The following CACNA1B variants were observed in gnomAD, a reference collection of about 807,000 sequenced individuals.
CACNA1B encodes calcium voltage-gated channel subunit alpha1 B.
A neutral mutation model predicts 247.2 loss-of-function variants in CACNA1B; 70 were observed. The observed-to-expected ratio is 0.28, with a 90% CI of 0.23 to 0.35. CACNA1B has a LOEUF of 0.35. Ranked by LOEUF, CACNA1B falls within the 10% of genes least tolerant of loss-of-function variation. The pLI is 1.00. For synonymous variants in CACNA1B, 1,231 were observed against 1,294.4 expected, an observed-to-expected ratio of 0.95 and a Z score of 1.05; for missense variants, 2,367 against 3,197.4, an observed-to-expected ratio of 0.74 and a Z score of 6.26.
intron 15 of CACNA1B, among the ~76,000 whole-genome samples, chr9:137,997,812 A>G (rs1013940507): frequency 4.2e-4 from 64 of 152,220 alleles, no homozygotes; most frequent in Admixed American, 3.9e-3. Context: ...TTTTTTGCCC[A>G]AGTGCACAAG....
At chr9:137,921,299 GGTC>G (rs1957474504) in intron 6 of CACNA1B, among the ~76,000 whole-genome samples, 1 of 151,454 alleles carries the variant, frequency 6.6e-6, no homozygotes, top group Admixed American at 6.6e-5. Flanking sequence ...CGGAGAACAT[GGTC>G]AGCACCACGG....
chr9:137,998,332 C>T (rs1958523202), intron 15 of CACNA1B, among the ~76,000 whole-genome samples: 1 of 152,120 alleles, frequency 6.6e-6, no homozygotes, highest in Non-Finnish European at 1.5e-5. Flanking sequence ...CAGTGTAGGC[C>T]GGGCACGGTG....
rs200157606 is a variant in CACNA1B at position 138,120,222 on chromosome 9, C to G, written c.6088C>G (p.Arg2030Gly). ...RSISTLAQRP[R>G]GTHLCSTTPD... ...CATCTCCACGCTGGCCCAGCGGCCC[C>G]GTGGGACTCATCTTTGCAGCACCAC... Residue 2030 changes from arginine to glycine, a missense_variant, in exon 45 of 47, where the codon CGT becomes GGT. This residue lies in a region of CACNA1B where 773 missense variants were observed against 779.4 expected (regional missense o/e 0.99). Transcript: ENST00000371372. 5.0e-5 allele frequency: 80 copies of G among 1,608,412 alleles called. No homozygotes were observed. Among genetic ancestry groups the G allele is most frequent in the Non-Finnish European group, 6.2e-5 (73 of 1,178,206 alleles).
chr9:137,971,542 G>A lies in CACNA1B; in HGVS notation c.1493G>A (p.Cys498Tyr). The A allele has an allele frequency of 6.2e-7, 1 of 1,613,810 alleles. No individual in the cohort carries two copies. Among genetic ancestry groups the A allele is most frequent in the Non-Finnish European group, 8.5e-7 (1 of 1,179,798 alleles). Residue 498 changes from cysteine (C) to tyrosine (Y), a missense_variant, in exon 11 of 47, where the codon TGT (cysteine) becomes TAT (tyrosine). This residue lies in a region of CACNA1B where 219 missense variants were observed against 297.6 expected (regional missense o/e 0.74). Transcript: ENST00000371372. The surrounding 1 kb of genome is among the most constrained non-coding windows in gnomAD (Gnocchi z 4.4). ...TGCGTGGTGGCCCTGAACACACTGT[G>A]TGTGGCCATGGTGCATTACAACCAG... ...VLCVVALNTL[C>Y]VAMVHYNQPR...
intron 34 of CACNA1B, among the ~76,000 whole-genome samples, 159 bp downstream of exon 34, chr9:138,074,225 G>A (rs1055640621): frequency 2.6e-5 from 4 of 151,718 alleles, no homozygotes; most frequent in East Asian, 1.9e-4. Context: ...CTGAACTTAC[G>A]TAATCCTCTT....
chr9:137,973,761 G>C lies in CACNA1B; in HGVS notation c.1544-2146G>C, dbSNP rs1958184461. On this transcript the variant is annotated intron_variant, in intron 11 of 46. Coordinates refer to ENST00000371372, the MANE Select transcript of CACNA1B (RefSeq NM_000718.4). This position sits in a 1 kb window ranked among gnomAD's most constrained non-coding sequence, Gnocchi z 4.1. ...GAGTGTACGAATGAATGCCCTTTCT[G>C]GGCCTCAGAGTGGAGGCTGAGTATG... 6.6e-6 allele frequency among the ~76,000 whole-genome samples: 1 copy of C among 152,196 alleles called. No homozygotes were observed. The highest frequency in any genetic ancestry group is 1.5e-5 in the Non-Finnish European group (1 of 68,042).
At chr9:137,922,166 A>G (rs115497039) in intron 6 of CACNA1B, among the ~76,000 whole-genome samples, 2,128 of 132,224 alleles carry the variant, frequency 0.016, 93 homozygotes, top group African/African-American at 0.059. Context: ...TCAACACCAC[A>G]CCGCACAGCA....
At chr9:137,889,285 C>T (rs1368487096) in intron 3 of CACNA1B, among the ~76,000 whole-genome samples, 1 of 150,228 alleles carries the variant, frequency 6.7e-6, no homozygotes, top group African/African-American at 2.4e-5. Context: ...GCGGGAGGTG[C>T]AGCACCCCGA....
chr9:138,095,991 C>G (rs1398005234), intron 36 of CACNA1B, among the ~76,000 whole-genome samples: 1 of 152,062 alleles, frequency 6.6e-6, no homozygotes, highest in African/African-American at 2.4e-5. Flanking sequence ...ATGAGGTATT[C>G]TTCGGGAACG....
In CACNA1B at chr9:138,057,075, A is replaced by G. The variant is rs1040685169; in HGVS notation, c.3969-657A>G. On this transcript the variant is annotated intron_variant, in intron 26 of 46. Coordinates refer to ENST00000371372, the MANE Select transcript of CACNA1B (RefSeq NM_000718.4). This position sits in a 1 kb window ranked among gnomAD's most constrained non-coding sequence, Gnocchi z 4.0. ...CTCAGCCTCCCGAGTAGCTGGGACT[A>G]TAGGCGCCCGCCACCACGCCCGGCT... Among the ~76,000 whole-genome samples, 1 of 151,298 alleles carries G rather than the reference A, an allele frequency of 6.6e-6. No individual in the cohort carries two copies. The highest frequency in any genetic ancestry group is 1.5e-5 in the Non-Finnish European group (1 of 67,968).
At position 137,971,772 on chromosome 9, in the gene CACNA1B, G is replaced by T. The variant is rs555544471; in HGVS notation, c.1543+180G>T. 1.4e-3 allele frequency among the ~76,000 whole-genome samples: 216 copies of T among 152,216 alleles called. No individual in the cohort carries two copies. Among genetic ancestry groups the T allele is most frequent in the African/African-American group, 5.0e-3 (208 of 41,548 alleles). Reference sequence around the variant, plus strand: ...TCTGTGGGGGCCTGGGGTGTGTCCAGAGCTGGAGGGTGGCCTCTCCAGCCC... The same window carrying T: ...TCTGTGGGGGCCTGGGGTGTGTCCATAGCTGGAGGGTGGCCTCTCCAGCCC... On this transcript the variant is annotated intron_variant, in intron 11 of 46. Coordinates refer to ENST00000371372, the MANE Select transcript of CACNA1B (RefSeq NM_000718.4). This position sits in a 1 kb window ranked among gnomAD's most constrained non-coding sequence, Gnocchi z 4.4.
At chr9:138,039,594 C>G (rs772949333) in intron 20 of CACNA1B, among the ~76,000 whole-genome samples, 25 of 151,868 alleles carry the variant, frequency 1.6e-4, no homozygotes, top group Admixed American at 3.9e-4. Context: ...TTTCAGTTTC[C>G]AAATGTAAAA....
chr9:138,034,314 A>G (rs1234003075), intron 20 of CACNA1B, among the ~76,000 whole-genome samples: 4 of 152,050 alleles, frequency 2.6e-5, no homozygotes, highest in African/African-American at 4.8e-5. Context: ...TGTTACCACT[A>G]GATAGGGATG....
chr9:137,911,709 G>A (rs1352226947), intron 3 of CACNA1B, among the ~76,000 whole-genome samples: 1 of 152,200 alleles, frequency 6.6e-6, no homozygotes, highest in African/African-American at 2.4e-5. Flanking sequence ...GTGAACCACT[G>A]TGCCCGGCCG....
chr9:138,000,407 A>G (rs932897213), intron 15 of CACNA1B, among the ~76,000 whole-genome samples: 1 of 152,250 alleles, frequency 6.6e-6, no homozygotes, highest in South Asian at 2.1e-4. Flanking sequence ...CAAAACATGC[A>G]TTTTTATAGG....
chr9:138,111,737 C>T (rs112393784), intron 39 of CACNA1B, among the ~76,000 whole-genome samples: 2 of 150,006 alleles, frequency 1.3e-5, no homozygotes, highest in African/African-American at 2.5e-5. Flanking sequence ...CTGCCCACCC[C>T]TCCATCCACC....
At position 137,974,146 on chromosome 9, in the gene CACNA1B, T is replaced by C. The variant is rs554873651; in HGVS notation, c.1544-1761T>C. 6.6e-6 allele frequency among the ~76,000 whole-genome samples: 1 copy of C among 152,320 alleles called. No homozygotes were observed. Among genetic ancestry groups the C allele is most frequent in the East Asian group, 1.9e-4 (1 of 5,158 alleles). On this transcript the variant is annotated intron_variant, in intron 11 of 46. Transcript: ENST00000371372. The surrounding 1 kb of genome is among the most constrained non-coding windows in gnomAD (Gnocchi z 4.5). The stretch of plus-strand genomic sequence containing the variant: ...TTCCCCTGGGCTTGCTGGGGTGCTC[T>C]GCACTGGACTGCAGGGGTCACGGCT...
chr9:138,043,537 C>T (rs1005300937), intron 20 of CACNA1B, among the ~76,000 whole-genome samples: 4 of 152,136 alleles, frequency 2.6e-5, no homozygotes, highest in African/African-American at 7.2e-5. Flanking sequence ...TTGTTGCCAA[C>T]GTTGGTGCAG....
At chr9:137,953,377 A>G (rs1957901502) in intron 7 of CACNA1B, among the ~76,000 whole-genome samples, 1 of 152,182 alleles carries the variant, frequency 6.6e-6, no homozygotes, top group African/African-American at 2.4e-5. Flanking sequence ...CTGGGGATAG[A>G]GCCTGGTGAA....
Sources: allele counts gnomAD v4.1 joint callset (sites outside exome capture counted in the v4.1 genomes callset), GRCh38; gene constraint gnomAD v4.1.1; regional missense constraint gnomAD v4.1.1; non-coding constraint Gnocchi (gnomAD v3.1); transcripts MANE v1.5; gene names NCBI Gene and HGNC (gene_info 2026-07-23, HGNC 2026-07-21).